ST3GAL6: variants seen among roughly 807,000 people sequenced by gnomAD.
ST3GAL6 encodes the protein ST3 beta-galactoside alpha-2,3-sialyltransferase 6, also known as type 2 lactosamine alpha-2,3-sialyltransferase.
ST3GAL6 carries 31 observed loss-of-function variants against 40.5 expected under a neutral mutation model. The observed-to-expected ratio is 0.77, with a 90% CI of 0.58 to 1.03. The LOEUF (loss-of-function observed/expected upper bound fraction) is 1.03, where lower values mean the gene tolerates loss of function less well. ST3GAL6 is among the 50% of genes least tolerant of loss of function. ST3GAL6 has a pLI of 0.00. For missense variants in ST3GAL6, 357 were observed against 393.2 expected (o/e 0.91, Z 0.78); for synonymous variants, 129 against 136.9 (o/e 0.94, Z 0.40).
In ST3GAL6 at chr3:98,736,755, C is replaced by G. The variant is rs554283546; in HGVS notation, c.-12+4223C>G. ...GGACACAGCAAAGCCCCTGCTCTTACAGAGCTTATGTTTTATGGGGGGCAG... is the reference window on the plus strand; with the variant it reads ...GGACACAGCAAAGCCCCTGCTCTTAGAGAGCTTATGTTTTATGGGGGGCAG... On this transcript the variant is annotated intron_variant, in intron 1 of 9. Coordinates refer to the ST3GAL6 transcript ENST00000265261. Among the ~76,000 whole-genome samples the G allele has an allele frequency of 3.9e-5, 6 of 152,242 alleles. No individual in the cohort carries two copies. The East Asian group carries it at 9.7e-4, about 24-fold the overall frequency.
In ST3GAL6 at chr3:98,770,922, T is replaced by C; in HGVS notation, c.133T>C (p.Cys45Arg). Residue 45 changes from cysteine to arginine, a missense_variant, in exon 3 of 10, where the codon TGT becomes CGT. Transcript: ENST00000483910. The part of the protein sequence containing the change: ...EMKRRNKIQP[C>R]LSKPAFASLL... ...GAAACGGAGAAATAAGATCCAGCCT[T>C]GTTTATCAAAGCCAGCTTTTGCCTC... The C allele has an allele frequency of 6.2e-7, 1 of 1,614,170 alleles. No individual in the cohort carries two copies. Among genetic ancestry groups the C allele is most frequent in the Non-Finnish European group, 8.5e-7 (1 of 1,180,008 alleles).
At chr3:98,780,345 CT>C (rs759574708) in intron 5 of ST3GAL6, among the ~76,000 whole-genome samples, 2 of 152,178 alleles carry the variant, frequency 1.3e-5, no homozygotes, top group Non-Finnish European at 2.9e-5. Flanking sequence ...ATGCGTAAAT[CT>C]TTGCAATATC....
At chr3:98,786,330 G>T (rs1940706989) in intron 6 of ST3GAL6, among the ~76,000 whole-genome samples, 1 of 152,196 alleles carries the variant, frequency 6.6e-6, no homozygotes, top group Non-Finnish European at 1.5e-5. Flanking sequence ...GGATCCACCA[G>T]TGAGGTAAGA....
chr3:98,776,175 T>C (rs777369468), intron 5 of ST3GAL6, among the ~76,000 whole-genome samples: 32 of 152,348 alleles, frequency 2.1e-4, no homozygotes, highest in Admixed American at 4.6e-4. Context: ...TTGCCTATAT[T>C]TTAAGTGAGT....
chr3:98,752,231 A>G (rs1295999983), intron 1 of ST3GAL6, among the ~76,000 whole-genome samples: 1 of 152,080 alleles, frequency 6.6e-6, no homozygotes, highest in Non-Finnish European at 1.5e-5. Flanking sequence ...GGCATGGCTC[A>G]TTTTATTGTA....
chr3:98,750,017 G>A (rs1279678713), intron 1 of ST3GAL6, among the ~76,000 whole-genome samples: 1 of 152,202 alleles, frequency 6.6e-6, no homozygotes, highest in Non-Finnish European at 1.5e-5. Flanking sequence ...AAAGAAGACT[G>A]CAAATTGTGG....
intron 5 of ST3GAL6, among the ~76,000 whole-genome samples, chr3:98,781,295 A>G (rs982279090): frequency 2.1e-4 from 32 of 152,088 alleles, no homozygotes; most frequent in African/African-American, 5.8e-4. Context: ...ACGTGGACAC[A>G]GGAAGGGGAA....
chr3:98,772,776 GT>G, intron 3 of ST3GAL6, 36 bp from the exon 4 acceptor site: 1 of 1,446,618 alleles, frequency 6.9e-7, no homozygotes, highest in Non-Finnish European at 9.7e-7. Flanking sequence ...AATATAGTAG[GT>G]ATTTGGCAAA....
chr3:98,734,954 T>C (rs1935403853), intron 1 of ST3GAL6, among the ~76,000 whole-genome samples: 1 of 152,172 alleles, frequency 6.6e-6, no homozygotes, highest in Non-Finnish European at 1.5e-5. Flanking sequence ...CTGCTAACCA[T>C]GCAGACTGCC....
chr3:98,735,332 T>G (rs1158612447), intron 1 of ST3GAL6, among the ~76,000 whole-genome samples: 1 of 152,234 alleles, frequency 6.6e-6, no homozygotes, highest in Non-Finnish European at 1.5e-5. Flanking sequence ...TTGCCTGGCA[T>G]ATCCTCCATT....
At chr3:98,771,204 G>A (rs1701649774) in intron 3 of ST3GAL6, 2 of 1,385,356 alleles carry the variant, frequency 1.4e-6, no homozygotes, top group African/African-American at 1.5e-5. Flanking sequence ...AGGCTAGAGA[G>A]GTCTATTTGT....
chr3:98,756,612 A>G, intron 1 of ST3GAL6: 1 of 1,105,648 alleles, frequency 9.0e-7, no homozygotes, highest in South Asian at 1.8e-5. Flanking sequence ...ATGTTCTTAT[A>G]CAATGCTTCT....
chr3:98,777,039 T>C (rs915448892), intron 5 of ST3GAL6, among the ~76,000 whole-genome samples: 6 of 152,202 alleles, frequency 3.9e-5, no homozygotes, highest in Non-Finnish European at 8.8e-5. Flanking sequence ...CCAAGGCTGC[T>C]TCTCTATCTT....
intron 6 of ST3GAL6, among the ~76,000 whole-genome samples, chr3:98,785,557 G>A (rs1193442649): frequency 6.6e-6 from 1 of 152,284 alleles, no homozygotes; most frequent in East Asian, 1.9e-4. Flanking sequence ...TTTGAGAGGA[G>A]TAGCAAAGAA....
At position 98,741,083 on chromosome 3, in the gene ST3GAL6, T is replaced by TGTGTGTGTGTGTGTGTGA. The variant is rs374127164; in HGVS notation, c.-12+8552_-12+8553insTGTGTGTGTGTGTGTGAG. On this transcript the variant is annotated intron_variant, in intron 1 of 9. Transcript: ENST00000265261. Reference sequence around the variant, plus strand: ...GTGTGTGTGTGTGTGTGTGTGTGTGTGCATGCATGTATGTACATATGCTTT... The same window carrying TGTGTGTGTGTGTGTGTGA: ...GTGTGTGTGTGTGTGTGTGTGTGTGTGTGTGTGTGTGTGTGTGAGCATGCATGTATGTACATATGCTTT... 5.1e-3 allele frequency among the ~76,000 whole-genome samples: 768 copies of TGTGTGTGTGTGTGTGTGA among 150,366 alleles called. 9 individuals carry two copies. The highest frequency in any genetic ancestry group is 0.017 in the African/African-American group (694 of 40,716).
intron 5 of ST3GAL6, among the ~76,000 whole-genome samples, chr3:98,780,894 T>A (rs1940043760): frequency 6.6e-6 from 1 of 152,224 alleles, no homozygotes; most frequent in Admixed American, 6.5e-5. Context: ...CAGTTCATTG[T>A]TGAGCAATGT....
chr3:98,774,789 A>G (rs901493088), intron 5 of ST3GAL6, among the ~76,000 whole-genome samples: 7 of 152,216 alleles, frequency 4.6e-5, no homozygotes, highest in African/African-American at 1.7e-4. Flanking sequence ...AGAGTTTGCC[A>G]TAAGAGCAGC....
chr3:98,739,532 G>A (rs1311630398), intron 1 of ST3GAL6, among the ~76,000 whole-genome samples: 1 of 152,188 alleles, frequency 6.6e-6, no homozygotes, highest in South Asian at 2.1e-4. Flanking sequence ...TGACCTCTTA[G>A]TGGGGTTTTC....
At chr3:98,769,001 G>C (rs945718837) in intron 2 of ST3GAL6, among the ~76,000 whole-genome samples, 1 of 152,112 alleles carries the variant, frequency 6.6e-6, no homozygotes, top group Non-Finnish European at 1.5e-5. Flanking sequence ...CTTTGAAGAG[G>C]CACAGATAGT....
Sources: gnomAD v4.1 joint callset for allele counts (sites outside exome capture counted in the v4.1 genomes callset) on GRCh38, gnomAD v4.1.1 for gene constraint, MANE v1.5 for transcripts, NCBI Gene and HGNC (gene_info 2026-07-23, HGNC 2026-07-21) for gene names.